Variants in SYN3 observed in about 807,000 individuals in gnomAD.
SYN3 encodes synapsin-3.
Under a neutral mutation model 65.8 loss-of-function variants are expected in SYN3, and 35 were observed. The observed-to-expected ratio is 0.53, with a 90% CI of 0.41 to 0.70. The LOEUF is 0.70. SYN3 is among the 30% of genes least tolerant of loss of function. The probability of loss-of-function intolerance (pLI) is 0.00; values close to 1 mark genes in which losing one functional copy is unlikely to be tolerated. For synonymous variants in SYN3, 270 were observed against 292.9 expected, an observed-to-expected ratio of 0.92 and a Z score of 0.80; for missense variants, 680 against 749.0, an observed-to-expected ratio of 0.91 and a Z score of 1.08.
At chr22:32,644,081 A>G (rs1172896551) in intron 6 of SYN3, among the ~76,000 whole-genome samples, 6 of 62,410 alleles carry the variant, frequency 9.6e-5, no homozygotes, top group African/African-American at 3.9e-4. Flanking sequence ...CTCAAAAAAA[A>G]AAAAAAAAAA....
At position 32,917,527 on chromosome 22, in the gene SYN3, C is replaced by T. The variant is rs5754339; in HGVS notation, c.461+13863G>A. Among the ~76,000 whole-genome samples the T allele has an allele frequency of 6.8e-4, 103 of 152,292 alleles. 1 individual carries two copies. The East Asian group carries it at 0.017, about 25-fold the overall frequency. ...CCAAAAGTCTGAAGTGGCCACCGGG[C>T]AATTTCTCCCACAGTGGCATATGTC... is the stretch of plus-strand genomic sequence containing the variant. On this transcript the variant is annotated intron_variant, in intron 4 of 13. Coordinates refer to ENST00000358763, the MANE Select transcript of SYN3 (RefSeq NM_003490.4).
intron 6 of SYN3, among the ~76,000 whole-genome samples, chr22:32,712,483 T>G (rs1293472770): frequency 6.6e-6 from 1 of 152,192 alleles, no homozygotes; most frequent in African/African-American, 2.4e-5. Flanking sequence ...ACTGAGCTAA[T>G]TAATTAATGA....
intron 7 of SYN3, among the ~76,000 whole-genome samples, chr22:32,553,935 G>T (rs1156811537): frequency 6.6e-6 from 1 of 152,144 alleles, no homozygotes; most frequent in Non-Finnish European, 1.5e-5. Context: ...CTTACATGGG[G>T]GAGCAGCAGC....
chr22:32,665,553 T>A (rs1422030445), intron 6 of SYN3, among the ~76,000 whole-genome samples: 1 of 152,166 alleles, frequency 6.6e-6, no homozygotes, highest in South Asian at 2.1e-4. Context: ...ATTTCATTGA[T>A]TAATAGGCAT....
chr22:32,571,686 T>C (rs1398606377), intron 7 of SYN3, among the ~76,000 whole-genome samples: 1 of 152,180 alleles, frequency 6.6e-6, no homozygotes, highest in Non-Finnish European at 1.5e-5. Flanking sequence ...GGGTTCTAGC[T>C]AGGGTTAAAA....
At chr22:32,697,733 T>C (rs1038541021) in intron 6 of SYN3, among the ~76,000 whole-genome samples, 8 of 152,250 alleles carry the variant, frequency 5.3e-5, no homozygotes, top group African/African-American at 1.9e-4. Flanking sequence ...CCTGGAATGC[T>C]ATCAGTCACT....
intron 2 of SYN3, among the ~76,000 whole-genome samples, chr22:32,992,253 T>G (rs1042965584): frequency 2.6e-5 from 4 of 152,230 alleles, no homozygotes; most frequent in African/African-American, 9.6e-5. Flanking sequence ...AGCCTGACCC[T>G]TTCATGGTCT....
chr22:32,648,344 CAGGAG>C, intron 6 of SYN3, among the ~76,000 whole-genome samples: 1 of 152,198 alleles, frequency 6.6e-6, no homozygotes, highest in East Asian at 1.9e-4. Flanking sequence ...TTTCTTTTGT[CAGGAG>C]ATACTGGTTT....
chr22:32,780,719 T>C (rs1215619547), intron 6 of SYN3, among the ~76,000 whole-genome samples: 1 of 152,158 alleles, frequency 6.6e-6, no homozygotes, highest in Non-Finnish European at 1.5e-5. Context: ...CCTTGGACAA[T>C]CTACTGAACT....
chr22:32,600,674 T>A (rs1434624346), intron 6 of SYN3, among the ~76,000 whole-genome samples: 1 of 145,378 alleles, frequency 6.9e-6, no homozygotes, highest in South Asian at 2.2e-4. Flanking sequence ...GAAGGATTTA[T>A]TTTATGCAAC....
chr22:32,534,323 G>C (rs1243624460), intron 9 of SYN3, among the ~76,000 whole-genome samples: 1 of 152,122 alleles, frequency 6.6e-6, no homozygotes, highest in Non-Finnish European at 1.5e-5. Context: ...CTTTTCCCTT[G>C]GGAAAGCTGC....
chr22:32,955,772 G>A (rs1234902381), intron 3 of SYN3, among the ~76,000 whole-genome samples: 1 of 151,962 alleles, frequency 6.6e-6, no homozygotes, highest in Non-Finnish European at 1.5e-5. Context: ...TCACTGGGCT[G>A]GGGAAGGCAG....
chr22:32,801,894 C>T lies in SYN3; in HGVS notation c.711+63021G>A. ...CGCGCCGGAGGCCAAGGTTGCCCCG[C>T]ACGGCCCGGCGGGCGAGCGAGCTCG... On this transcript the variant is annotated intron_variant, in intron 6 of 13. Transcript: ENST00000358763. The surrounding 1 kb of genome is among the most constrained non-coding windows in gnomAD (Gnocchi z 4.7). The T allele has an allele frequency of 6.6e-6, 9 of 1,358,038 alleles. No individual in the cohort carries two copies. Among genetic ancestry groups the T allele is most frequent in the Non-Finnish European group, 8.5e-6 (9 of 1,060,602 alleles). 84.1% of individuals were successfully genotyped at this position (1,358,038 alleles called of 1,614,324 possible). A position where few individuals can be genotyped will look rare whatever the true frequency, so the allele number is the denominator to read the frequency against.
chr22:32,832,832 A>G (rs1006846789), intron 6 of SYN3, among the ~76,000 whole-genome samples: 5 of 151,942 alleles, frequency 3.3e-5, no homozygotes, highest in Non-Finnish European at 7.4e-5. Context: ...GGCTCAAGTG[A>G]TCCGTTTCCC....
At chr22:32,613,280 CAGTA>C (rs1167781146) in intron 6 of SYN3, among the ~76,000 whole-genome samples, 3 of 151,838 alleles carry the variant, frequency 2.0e-5, no homozygotes, top group Non-Finnish European at 4.4e-5. Context: ...TAATATAATA[CAGTA>C]AATAAATAAC....
At chr22:32,890,698 C>A (rs2049421282) in intron 4 of SYN3, among the ~76,000 whole-genome samples, 1 of 152,066 alleles carries the variant, frequency 6.6e-6, no homozygotes, top group African/African-American at 2.4e-5. Context: ...ACATTTTTAA[C>A]CTGTTTTTTC....
intron 2 of SYN3, among the ~76,000 whole-genome samples, chr22:32,999,153 G>A (rs1038105080): frequency 1.3e-5 from 2 of 152,138 alleles, no homozygotes; most frequent in Non-Finnish European, 1.5e-5. Context: ...TGCATGATGC[G>A]CCAGCATGAT....
At chr22:32,964,712 A>G (rs529728143) in intron 3 of SYN3, among the ~76,000 whole-genome samples, 1 of 152,292 alleles carries the variant, frequency 6.6e-6, no homozygotes, top group South Asian at 2.1e-4. Flanking sequence ...GAAAAGTTAA[A>G]CGCATGAGGG....
At chr22:33,021,054 T>A (rs1428856788) in intron 1 of SYN3, among the ~76,000 whole-genome samples, 2 of 152,110 alleles carry the variant, frequency 1.3e-5, no homozygotes. Flanking sequence ...TTAGACAATG[T>A]GTTTCCCATT....
Sources: gnomAD v4.1 joint callset for allele counts (sites outside exome capture counted in the v4.1 genomes callset) on GRCh38, gnomAD v4.1.1 for gene constraint, Gnocchi (gnomAD v3.1) non-coding constraint, MANE v1.5 for transcripts, NCBI Gene and HGNC (gene_info 2026-07-23, HGNC 2026-07-21) for gene names.